The following CDH12 variants were observed in gnomAD, a reference collection of about 807,000 sequenced individuals.
CDH12 encodes cadherin 12, also known as cadherin-12.
Under a neutral mutation model 74.1 loss-of-function variants are expected in CDH12, and 41 were observed. The observed-to-expected ratio is 0.55, with a 90% CI of 0.43 to 0.72. CDH12 has a LOEUF of 0.72. CDH12 is among the 30% of genes least tolerant of loss of function. CDH12 has a pLI of 0.00. For synonymous variants in CDH12, 399 were observed against 355.0 expected (o/e 1.12, Z -1.39); for missense variants, 945 against 977.2 (o/e 0.97, Z 0.44).
intron 1 of CDH12, among the ~76,000 whole-genome samples, chr5:22,608,643 A>G (rs1175875400): frequency 2.6e-5 from 4 of 152,174 alleles, no homozygotes. Context: ...GTCCCCACAC[A>G]AATCTCACTT....
At chr5:22,095,747 A>T in intron 4 of CDH12, among the ~76,000 whole-genome samples, 1 of 144,958 alleles carries the variant, frequency 6.9e-6, no homozygotes. Flanking sequence ...CCACACCCCG[A>T]CCCCTTATCT....
In CDH12 at chr5:21,854,937, C is replaced by T. The variant is rs56357837; in HGVS notation, c.527-147G>A. 14,188 of 552,104 alleles carry T rather than the reference C, an allele frequency of 0.026. 233 individuals carry two copies. The highest frequency in any genetic ancestry group is 0.033 in the African/African-American group (1,693 of 51,676). 34.2% of individuals were successfully genotyped at this position (552,104 alleles called of 1,614,324 possible). Reference sequence around the variant, plus strand: ...ATGATGTCACTGAGGATAGTTTAACCGTTATAACCAAAATGTTGAGCAATG... The same window carrying T: ...ATGATGTCACTGAGGATAGTTTAACTGTTATAACCAAAATGTTGAGCAATG... On this transcript the variant is annotated intron_variant, in intron 6 of 14. Transcript: ENST00000382254.
intron 2 of CDH12, among the ~76,000 whole-genome samples, chr5:22,452,880 C>CA (rs768945480): frequency 0.13 from 4,224 of 32,270 alleles, 306 homozygotes; most frequent in African/African-American, 0.19. Flanking sequence ...AACCTAAGAG[C>CA]AAAAAAAAAA....
At chr5:22,806,008 A>G (rs1173332404) in intron 1 of CDH12, among the ~76,000 whole-genome samples, 5 of 152,162 alleles carry the variant, frequency 3.3e-5, no homozygotes, top group African/African-American at 7.2e-5. Context: ...TTATGGCTGC[A>G]TAGTATTCCT....
At chr5:21,882,342 A>C in intron 6 of CDH12, among the ~76,000 whole-genome samples, 1 of 152,236 alleles carries the variant, frequency 6.6e-6, no homozygotes, top group East Asian at 1.9e-4. Context: ...ATTAACAAAA[A>C]GACGTATTTT....
chr5:22,376,922 G>T (rs1042468233), intron 3 of CDH12, among the ~76,000 whole-genome samples: 1 of 151,996 alleles, frequency 6.6e-6, no homozygotes, highest in African/African-American at 2.4e-5. Context: ...AATATAAATA[G>T]TTCTGTTTAG....
At chr5:21,915,530 G>T (rs1754047133) in intron 6 of CDH12, among the ~76,000 whole-genome samples, 1 of 152,314 alleles carries the variant, frequency 6.6e-6, no homozygotes, top group South Asian at 2.1e-4. Flanking sequence ...TGGTACTGGA[G>T]AGTGTAGATT....
chr5:22,506,464 C>T (rs1371294071), intron 1 of CDH12, among the ~76,000 whole-genome samples: 1 of 152,090 alleles, frequency 6.6e-6, no homozygotes, highest in Admixed American at 6.6e-5. Flanking sequence ...TTTCAATTAG[C>T]CTCTATGTCT....
intron 1 of CDH12, among the ~76,000 whole-genome samples, chr5:22,787,695 G>A (rs1747705139): frequency 6.6e-6 from 1 of 152,096 alleles, no homozygotes; most frequent in Middle Eastern, 3.4e-3. Context: ...CTCTCACTGG[G>A]CTGCAATCAT....
In CDH12 at chr5:22,512,461, T is replaced by C. The variant is rs141075590; in HGVS notation, c.-522-7097A>G. Among the ~76,000 whole-genome samples, 340 of 152,254 alleles carry C rather than the reference T, an allele frequency of 2.2e-3. 2 individuals carry two copies. Among genetic ancestry groups the C allele is most frequent in the Non-Finnish European group, 3.8e-3 (261 of 68,006 alleles). On this transcript the variant is annotated intron_variant, in intron 1 of 14. Coordinates refer to ENST00000382254, the MANE Select transcript of CDH12 (RefSeq NM_004061.5). ...TGTCAAAAAAATCAGGTAGTAGTTGTGCTTCAACAAGACCCAGGGCACTAG... is the reference window on the plus strand; with the variant it reads ...TGTCAAAAAAATCAGGTAGTAGTTGCGCTTCAACAAGACCCAGGGCACTAG...
At chr5:21,873,353 A>C (rs143594291) in intron 6 of CDH12, among the ~76,000 whole-genome samples, 5 of 152,304 alleles carry the variant, frequency 3.3e-5, no homozygotes, top group African/African-American at 9.6e-5. Flanking sequence ...AACCTACTTA[A>C]AGCCAACAAA....
chr5:22,559,239 A>T (rs2126746200), intron 1 of CDH12, among the ~76,000 whole-genome samples: 1 of 152,228 alleles, frequency 6.6e-6, no homozygotes, highest in East Asian at 1.9e-4. Flanking sequence ...GTTGTACAGG[A>T]ATCTCAATAA....
chr5:22,690,282 A>G (rs957931986), intron 1 of CDH12, among the ~76,000 whole-genome samples: 1 of 152,122 alleles, frequency 6.6e-6, no homozygotes, highest in African/African-American at 2.4e-5. Flanking sequence ...ATAATAACTC[A>G]AAGATAAAAC....
At chr5:22,608,266 G>T (rs2126822579) in intron 1 of CDH12, among the ~76,000 whole-genome samples, 1 of 152,344 alleles carries the variant, frequency 6.6e-6, no homozygotes, top group East Asian at 1.9e-4. Flanking sequence ...CATCAGCAAT[G>T]ACCTGGATAT....
At chr5:22,809,362 G>A (rs1236923202) in intron 1 of CDH12, among the ~76,000 whole-genome samples, 3 of 151,546 alleles carry the variant, frequency 2.0e-5, no homozygotes, top group East Asian at 3.9e-4. Context: ...TCTCTGTCAA[G>A]TCTAACAATA....
chr5:22,175,886 C>A (rs1437275500), intron 4 of CDH12, among the ~76,000 whole-genome samples: 3 of 152,102 alleles, frequency 2.0e-5, no homozygotes, highest in South Asian at 2.1e-4. Flanking sequence ...CCTTTTAACT[C>A]GGCCACTTCC....
chr5:22,725,864 A>G (rs1252953712), intron 1 of CDH12, among the ~76,000 whole-genome samples: 1 of 151,766 alleles, frequency 6.6e-6, no homozygotes, highest in Non-Finnish European at 1.5e-5. Flanking sequence ...TAAAACATAA[A>G]TATATGTTTT....
At chr5:22,848,652 T>G (rs970884905) in intron 1 of CDH12, among the ~76,000 whole-genome samples, 3 of 152,172 alleles carry the variant, frequency 2.0e-5, no homozygotes, top group African/African-American at 7.2e-5. Context: ...CAGGGAGGGA[T>G]GCTGGTGATT....
intron 1 of CDH12, among the ~76,000 whole-genome samples, chr5:22,670,114 T>C (rs965708956): frequency 3.3e-5 from 5 of 151,802 alleles, no homozygotes; most frequent in African/African-American, 1.2e-4. Context: ...AGTCCAGGAG[T>C]GCTTTTCTAA....
Sources: gnomAD v4.1 joint callset for allele counts (sites outside exome capture counted in the v4.1 genomes callset) on GRCh38, gnomAD v4.1.1 for gene constraint, MANE v1.5 for transcripts, NCBI Gene and HGNC (gene_info 2026-07-23, HGNC 2026-07-21) for gene names.